Variants in CXCR2 observed in about 807,000 individuals in gnomAD.
The protein encoded by CXCR2 is C-X-C chemokine receptor type 2.
A neutral mutation model predicts 3.7 loss-of-function variants in CXCR2; 2 were observed. The observed-to-expected ratio is 0.55, with a 90% CI of 0.22 to 1.72. CXCR2 has a LOEUF of 1.72. CXCR2 is among the 40% of genes most tolerant of loss of function. The pLI is 0.19. For synonymous variants in CXCR2, 203 were observed against 193.3 expected, an observed-to-expected ratio of 1.05 and a Z score of -0.41; for missense variants, 351 against 450.1, an observed-to-expected ratio of 0.78 and a Z score of 1.99.
chr2:218,134,646 C>T (rs746065677), intron 2 of CXCR2, 131 bp from the exon 3 acceptor site: 9 of 857,062 alleles, frequency 1.1e-5, no homozygotes, highest in East Asian at 5.3e-5. Context: ...CTACCACTTA[C>T]AAATTTGAAG....
At chr2:218,125,439 T>A (rs977155901), upstream of CXCR2, 35 of 152,192 alleles carry the variant, frequency 2.3e-4, no homozygotes, top group African/African-American at 8.2e-4. Flanking sequence ...TCAGCTTTCC[T>A]GTTCAGTTCC....
Position 218,134,764 on chromosome 2 carries a change from C to G in CXCR2, c.-25-13C>G, listed in dbSNP as rs1008857266. The stretch of plus-strand genomic sequence containing the variant: ...GAATTTATTATGCAGTAACCTTCAT[C>G]TCTCTTCTATAGGTCAGGATTTAAG... On this transcript the variant is annotated splice_polypyrimidine_tract_variant and intron_variant, in intron 2 of 2. Coordinates refer to ENST00000318507, the MANE Select transcript of CXCR2 (RefSeq NM_001557.4). 3 of 1,583,702 alleles carry G rather than the reference C, an allele frequency of 1.9e-6. No individual in the cohort carries two copies. The highest frequency in any genetic ancestry group is 2.6e-6 in the Non-Finnish European group (3 of 1,164,092).
intron 1 of CXCR2, among the ~76,000 whole-genome samples, chr2:218,127,107 G>A (rs1039551194): frequency 1.3e-5 from 2 of 152,070 alleles, no homozygotes; most frequent in African/African-American, 4.8e-5. Context: ...ACTTCTCCAA[G>A]CAGGATTAGA....
intron 2 of CXCR2, among the ~76,000 whole-genome samples, chr2:218,134,030 G>A (rs886367399): frequency 6.6e-6 from 1 of 152,196 alleles, no homozygotes; most frequent in African/African-American, 2.4e-5. Flanking sequence ...AAAGAGAAAC[G>A]CTGGGCCTTA....
At chr2:218,127,309 T>C (rs1362496304) in intron 1 of CXCR2, among the ~76,000 whole-genome samples, 1 of 152,108 alleles carries the variant, frequency 6.6e-6, no homozygotes, top group Non-Finnish European at 1.5e-5. Flanking sequence ...GCATTTTTAA[T>C]AGAGGCGGGG....
Position 218,134,850 on chromosome 2 carries a change from G to A in CXCR2, c.49G>A (p.Gly17Ser). 1.2e-6 allele frequency: 2 copies of A among 1,614,106 alleles called. No individual in the cohort carries two copies. The highest frequency in any genetic ancestry group is 1.7e-6 in the Non-Finnish European group (2 of 1,180,000). The stretch of plus-strand genomic sequence containing the variant: ...TGACAGCTTTGAAGATTTCTGGAAA[G>A]GTGAAGATCTTAGTAATTACAGTTA... ...ESDSFEDFWK[G>S]EDLSNYSYSS... The change falls in exon 3 of 3, where the codon GGT becomes AGT. Residue 17 changes from glycine to serine, a missense_variant. Coordinates refer to ENST00000318507, the MANE Select transcript of CXCR2 (RefSeq NM_001557.4).
chr2:218,130,062 A>G (rs573415968), intron 2 of CXCR2, among the ~76,000 whole-genome samples: 1 of 152,310 alleles, frequency 6.6e-6, no homozygotes, highest in Admixed American at 6.5e-5. Context: ...CGGCAAAAGA[A>G]AACAATGCAT....
chr2:218,128,094 C>T (rs1005072251), intron 1 of CXCR2, among the ~76,000 whole-genome samples: 4 of 152,178 alleles, frequency 2.6e-5, no homozygotes, highest in Non-Finnish European at 4.4e-5. Flanking sequence ...TCACCACAAC[C>T]CCATGAGTTG....
intron 2 of CXCR2, among the ~76,000 whole-genome samples, chr2:218,132,924 C>T (rs1690684704): frequency 6.6e-6 from 1 of 152,108 alleles, no homozygotes; most frequent in African/African-American, 2.4e-5. Context: ...TGTGGTAACT[C>T]TATGTTTAAC....
rs1324669238 is a variant in CXCR2, at chr2:218,135,746, C to T, written c.945C>T (p.Ala315=). Residue 315 remains alanine, a synonymous_variant, in exon 3 of 3, where the codon GCC becomes GCT. Transcript: ENST00000318507. The surrounding 1 kb of genome is among the most constrained non-coding windows in gnomAD (Gnocchi z 4.0). Reference sequence around the variant, plus strand: ...GCTGCCTCAACCCCCTCATCTACGCCTTCATTGGCCAGAAGTTTCGCCATG... The same window carrying T: ...GCTGCCTCAACCCCCTCATCTACGCTTTCATTGGCCAGAAGTTTCGCCATG... ...LHSCLNPLIY[A]FIGQKFRHGL... 4 of 1,614,070 alleles carry T rather than the reference C, an allele frequency of 2.5e-6. No homozygotes were observed. Among genetic ancestry groups the T allele is most frequent in the Middle Eastern group, 1.6e-4 (1 of 6,062 alleles).
chr2:218,135,194 T>G lies in CXCR2; in HGVS notation c.393T>G (p.Tyr131Ter), dbSNP rs772678182. 6.2e-7 allele frequency: 1 copy of G among 1,614,242 alleles called. No individual in the cohort carries two copies. The highest frequency in any genetic ancestry group is 1.7e-5 in the Admixed American group (1 of 60,032). Reference protein sequence around the residue: ...VVSLLKEVNFYSGILLLACIS... With the variant: ...VVSLLKEVNF The stretch of plus-strand genomic sequence containing the variant: ...CACTCCTGAAGGAAGTCAACTTCTA[T>G]AGTGGCATCCTGCTACTGGCCTGCA... The change falls in exon 3 of 3, where the codon TAT becomes TAG. Residue 131 changes from tyrosine (Y) to a stop codon, truncating the protein, a stop_gained. Coordinates refer to ENST00000318507, the MANE Select transcript of CXCR2 (RefSeq NM_001557.4). LOFTEE classifies it low-confidence loss of function (END_TRUNC). This position sits in a 1 kb window ranked among gnomAD's most constrained non-coding sequence, Gnocchi z 4.0.
chr2:218,127,938 GC>G (rs975399001), intron 1 of CXCR2, among the ~76,000 whole-genome samples: 5 of 152,214 alleles, frequency 3.3e-5, no homozygotes, highest in African/African-American at 1.2e-4. Context: ...ACTGCCGACT[GC>G]TTTCCCTTGA....
chr2:218,132,107 T>A (rs895679124), intron 2 of CXCR2, among the ~76,000 whole-genome samples: 4 of 152,184 alleles, frequency 2.6e-5, no homozygotes, highest in Non-Finnish European at 4.4e-5. Flanking sequence ...CTTTGATTAA[T>A]CTTTTTTTTA....
At chr2:218,126,580 G>A (rs1253504751) in intron 1 of CXCR2, among the ~76,000 whole-genome samples, 2 of 152,196 alleles carry the variant, frequency 1.3e-5, no homozygotes, top group Non-Finnish European at 2.9e-5. Context: ...CTAGTCACAC[G>A]TGGCCACGGA....
chr2:218,131,879 AC>A (rs1690656178), intron 2 of CXCR2, among the ~76,000 whole-genome samples: 1 of 151,634 alleles, frequency 6.6e-6, no homozygotes, highest in Admixed American at 6.6e-5. Context: ...TAAAAGAGAA[AC>A]TAAAAACTTG....
At chr2:218,132,837 C>T (rs1289173000) in intron 2 of CXCR2, among the ~76,000 whole-genome samples, 1 of 152,130 alleles carries the variant, frequency 6.6e-6, no homozygotes. Context: ...ACTTTTTGGC[C>T]TTAATGATGA....
At position 218,136,407 on chromosome 2, in the gene CXCR2, C is replaced by G; in HGVS notation, c.*523C>G. On this transcript the variant is annotated 3_prime_UTR_variant, in exon 3 of 3. Coordinates refer to ENST00000318507, the MANE Select transcript of CXCR2 (RefSeq NM_001557.4). Reference sequence around the variant, plus strand: ...CGAGATTGTGCCCCTGCACTCCAGCCTGAGCGACAGTGAGACTCTGTCTCA... The same window carrying G: ...CGAGATTGTGCCCCTGCACTCCAGCGTGAGCGACAGTGAGACTCTGTCTCA... 1 of 169,772 alleles carries G rather than the reference C, an allele frequency of 5.9e-6. No individual in the cohort carries two copies. The highest frequency in any genetic ancestry group is 1.4e-5 in the Non-Finnish European group (1 of 69,844). The allele number at this position is 169,772 out of a possible 1,614,324, so 10.5% of individuals were successfully genotyped here. A position where few individuals can be genotyped will look rare whatever the true frequency, so the allele number is the denominator to read the frequency against.
At position 218,137,178 on chromosome 2, in the gene CXCR2, C is replaced by T. The variant is rs1468069583; in HGVS notation, c.*1294C>T. ...GCTGATTAAACCAAGGCTAGAACCA[C>T]CTGCCTATATTTTTTGTTAAATGAT... is the stretch of plus-strand genomic sequence containing the variant. On this transcript the variant is annotated 3_prime_UTR_variant, in exon 3 of 3. Coordinates refer to ENST00000318507, the MANE Select transcript of CXCR2 (RefSeq NM_001557.4). The T allele has an allele frequency of 6.0e-6, 1 of 167,016 alleles. No individual in the cohort carries two copies. Among genetic ancestry groups the T allele is most frequent in the African/African-American group, 2.4e-5 (1 of 41,382 alleles). 10.3% of individuals were successfully genotyped at this position (167,016 alleles called of 1,614,324 possible).
chr2:218,136,707 A>C lies in CXCR2; in HGVS notation c.*823A>C, dbSNP rs556202290. 6.6e-5 allele frequency: 11 copies of C among 167,222 alleles called. No individual in the cohort carries two copies. The highest frequency in any genetic ancestry group is 2.4e-4 in the African/African-American group (10 of 41,586). 10.4% of individuals were successfully genotyped at this position (167,222 alleles called of 1,614,324 possible). A position where few individuals can be genotyped will look rare whatever the true frequency, so the allele number is the denominator to read the frequency against. On this transcript the variant is annotated 3_prime_UTR_variant, in exon 3 of 3. Coordinates refer to ENST00000318507, the MANE Select transcript of CXCR2 (RefSeq NM_001557.4). ...CAAATGTTCATCAATGAATGAATGA[A>C]TGGCTAAGCAAAATGTGATATGTAC...
Sources: allele counts gnomAD v4.1 joint callset (sites outside exome capture counted in the v4.1 genomes callset), GRCh38; gene constraint gnomAD v4.1.1; non-coding constraint Gnocchi (gnomAD v3.1); transcripts MANE v1.5; gene names NCBI Gene and HGNC (gene_info 2026-07-23, HGNC 2026-07-21).